The following ANKHD1 variants were observed in gnomAD, a reference collection of about 807,000 sequenced individuals.
ANKHD1 encodes the protein ankyrin repeat and KH domain-containing protein 1.
Under a neutral mutation model 230.5 loss-of-function variants are expected in ANKHD1, and 31 were observed. That is an observed-to-expected ratio of 0.13 (90% confidence interval 0.10 to 0.18). ANKHD1 has a LOEUF of 0.18. Among genes scored for constraint, ANKHD1 ranks in the 10% least tolerant of loss-of-function variants. ANKHD1 has a pLI of 1.00. For synonymous variants in ANKHD1, 1,074 were observed against 1,117.6 expected (o/e 0.96, Z 0.78); for missense variants, 2,256 against 3,071.3 (o/e 0.73, Z 6.27).
chr5:140,468,994 A>G (rs1158370320), intron 10 of ANKHD1, among the ~76,000 whole-genome samples: 1 of 152,082 alleles, frequency 6.6e-6, no homozygotes, highest in African/African-American at 2.4e-5. Context: ...CTATTGTCAA[A>G]CTGTTCAAAA....
intron 10 of ANKHD1, among the ~76,000 whole-genome samples, chr5:140,476,863 A>T (rs1488726230): frequency 1.3e-5 from 2 of 151,808 alleles, no homozygotes; most frequent in African/African-American, 4.9e-5. Context: ...CTAGAAAACA[A>T]TAGCAGGAAA....
chr5:140,531,587 A>G (rs1753819653), intron 29 of ANKHD1, among the ~76,000 whole-genome samples: 1 of 152,154 alleles, frequency 6.6e-6, no homozygotes, highest in Non-Finnish European at 1.5e-5. Context: ...CAGGAAAAAA[A>G]AAAAGTAGTA....
In ANKHD1 at chr5:140,497,247, G is replaced by A. The variant is rs1752073339; in HGVS notation, c.2973G>A (p.Thr991=). 1.4e-5 allele frequency: 22 copies of A among 1,606,032 alleles called. No individual in the cohort carries two copies. The highest frequency in any genetic ancestry group is 3.3e-5 in the Admixed American group (2 of 59,994). ...DGLMVATPAQ[T]LTDTLDDLIA... is the part of the protein sequence containing the mutation. ...TAATGGTTGCAACTCCAGCTCAGAC[G>A]CTTACCGACACTCTTGATGACCTGA... The change falls in exon 15 of 34, where the codon ACG becomes ACA. Residue 991 remains threonine, a synonymous_variant. Coordinates refer to ENST00000360839, the MANE Select transcript of ANKHD1 (RefSeq NM_017747.3).
At chr5:140,490,695 T>G (rs1751733974) in intron 14 of ANKHD1, among the ~76,000 whole-genome samples, 1 of 152,270 alleles carries the variant, frequency 6.6e-6, no homozygotes, top group Non-Finnish European at 1.5e-5. Context: ...TTGCAAGTTG[T>G]GTAACTTAGA....
At chr5:140,530,287 C>A (rs774482881) in intron 29 of ANKHD1, among the ~76,000 whole-genome samples, 6 of 152,122 alleles carry the variant, frequency 3.9e-5, no homozygotes, top group Non-Finnish European at 8.8e-5. Context: ...TCTCAGCTCA[C>A]TGTAACCTCC....
rs574017478 is a variant in ANKHD1 at position 140,456,299 on chromosome 5, A to C, written c.1243-2326A>C. On this transcript the variant is annotated intron_variant, in intron 7 of 33. Coordinates refer to ENST00000360839, the MANE Select transcript of ANKHD1 (RefSeq NM_017747.3). ...GGCCATACTGCCCAAAGTAATTTAT[A>C]GATTCAATGCCATCCCCATCAAGCT... Among the ~76,000 whole-genome samples, 48 of 152,360 alleles carry C rather than the reference A, an allele frequency of 3.2e-4. 1 individual carries two copies. In the South Asian group the frequency reaches 6.0e-3, roughly 19 times the overall value.
rs1293991315 is a variant in ANKHD1 at position 140,529,576 on chromosome 5, C to A, written c.6630C>A (p.Phe2210Leu). 1.2e-6 allele frequency: 2 copies of A among 1,614,232 alleles called. No individual in the cohort carries two copies. Among genetic ancestry groups the A allele is most frequent in the Admixed American group, 1.7e-5 (1 of 60,026 alleles). Residue 2210 changes from phenylalanine to leucine, a missense_variant, in exon 29 of 34, where the codon TTC becomes TTA. Physicochemically the swap from Phe to Leu is conservative, Grantham distance 22. Coordinates refer to ENST00000360839, the MANE Select transcript of ANKHD1 (RefSeq NM_017747.3). ...CTACATTTGGCCCAGCCACACTTTT[C>A]AATCACTTCAGCAGTCTTTTTGATA... ...LPPTFGPATL[F>L]NHFSSLFDSS...
intron 2 of ANKHD1, among the ~76,000 whole-genome samples, chr5:140,436,655 A>C (rs1050770292): frequency 6.6e-6 from 1 of 151,986 alleles, no homozygotes; most frequent in Admixed American, 6.6e-5. Context: ...CTGAGGCAGG[A>C]GAATTGCTTG....
chr5:140,472,239 G>T, intron 10 of ANKHD1: 1 of 1,611,784 alleles, frequency 6.2e-7, no homozygotes, highest in Non-Finnish European at 8.5e-7. Context: ...CCTTTCGCAG[G>T]ACAAGCAGGA....
At chr5:140,459,503 G>A in intron 9 of ANKHD1, 148 bp downstream of exon 9, 1 of 1,054,690 alleles carries the variant, frequency 9.5e-7, no homozygotes, top group East Asian at 3.0e-5. Flanking sequence ...AGTACACAAG[G>A]AGAGGGGAAA....
chr5:140,476,477 C>CA (rs1257960572), intron 10 of ANKHD1, among the ~76,000 whole-genome samples: 3 of 151,736 alleles, frequency 2.0e-5, no homozygotes, highest in East Asian at 1.9e-4. Context: ...GCATTACCTA[C>CA]AAAAAAACAA....
At chr5:140,435,513 G>A (rs1382170683) in intron 1 of ANKHD1, among the ~76,000 whole-genome samples, 1 of 151,678 alleles carries the variant, frequency 6.6e-6, no homozygotes, top group Non-Finnish European at 1.5e-5. Flanking sequence ...GAGTAGCTGG[G>A]ATTACAGGCA....
At chr5:140,494,147 A>G (rs947561119) in intron 14 of ANKHD1, among the ~76,000 whole-genome samples, 2 of 152,136 alleles carry the variant, frequency 1.3e-5, no homozygotes, top group Admixed American at 1.3e-4. Flanking sequence ...TTTCTTTGCT[A>G]TTGCTGTGGA....
In ANKHD1 at chr5:140,539,542, C is replaced by A; in HGVS notation, c.*124C>A. On this transcript the variant is annotated 3_prime_UTR_variant, in exon 34 of 34. Coordinates refer to ENST00000360839, the MANE Select transcript of ANKHD1 (RefSeq NM_017747.3). ...GGCTTTAGCAATGGAAATTTGATTG[C>A]CCATTGTATAAGAACAAATTGATTT... The A allele has an allele frequency of 9.4e-7, 1 of 1,068,068 alleles. No individual in the cohort carries two copies. Among genetic ancestry groups the A allele is most frequent in the Non-Finnish European group, 1.4e-6 (1 of 737,276 alleles). 66.2% of individuals were successfully genotyped at this position (1,068,068 alleles called of 1,614,324 possible). A position where few individuals can be genotyped will look rare whatever the true frequency, so the allele number is the denominator to read the frequency against.
At chr5:140,419,842 TTCTC>T (rs1262680597) in intron 1 of ANKHD1, among the ~76,000 whole-genome samples, 1 of 143,168 alleles carries the variant, frequency 7.0e-6, no homozygotes, top group East Asian at 2.0e-4. Flanking sequence ...TTCTTTTTCT[TTCTC>T]TTTCTTTTTT....
In ANKHD1 at chr5:140,440,273, A is replaced by C; in HGVS notation, c.765+7A>C. ...GTATTATGAATTAGCACAAGTAAGC[A>C]GAAATAATCTTTAGTGATTAAAATT... On this transcript the variant is annotated splice_region_variant and intron_variant, in intron 4 of 33. Transcript: ENST00000360839. 6.2e-7 allele frequency: 1 copy of C among 1,604,558 alleles called. No homozygotes were observed. The highest frequency in any genetic ancestry group is 8.5e-7 in the Non-Finnish European group (1 of 1,176,074).
At chr5:140,411,159 T>C (rs1770891003) in intron 1 of ANKHD1, among the ~76,000 whole-genome samples, 1 of 152,242 alleles carries the variant, frequency 6.6e-6, no homozygotes, top group Non-Finnish European at 1.5e-5. Flanking sequence ...TTCCCACTTT[T>C]TTCTATTTTG....
At position 140,423,905 on chromosome 5, in the gene ANKHD1, T is replaced by C. The variant is rs114140714; in HGVS notation, c.307-12199T>C. ...GGTTAACTATCCTGAGTCGCTTTAT[T>C]GTAAAGCACATTTGGCCCCCTCTTC... On this transcript the variant is annotated intron_variant, in intron 1 of 33. Transcript: ENST00000360839. 4.2e-3 allele frequency among the ~76,000 whole-genome samples: 638 copies of C among 152,304 alleles called. 3 individuals carry two copies. Among genetic ancestry groups the C allele is most frequent in the African/African-American group, 0.015 (605 of 41,560 alleles).
chr5:140,404,637 G>A (rs1024878996), intron 1 of ANKHD1, among the ~76,000 whole-genome samples: 1 of 151,612 alleles, frequency 6.6e-6, no homozygotes, highest in Non-Finnish European at 1.5e-5. Context: ...GTTTTACCAT[G>A]TTGGCCAGGT....
Sources: allele counts gnomAD v4.1 joint callset (sites outside exome capture counted in the v4.1 genomes callset), GRCh38; gene constraint gnomAD v4.1.1; transcripts MANE v1.5; gene names NCBI Gene and HGNC (gene_info 2026-07-23, HGNC 2026-07-21).